Variants in KALRN observed in about 807,000 individuals in gnomAD.
KALRN encodes kalirin RhoGEF kinase.
Under a neutral mutation model 353.7 loss-of-function variants are expected in KALRN, and 70 were observed. That is an observed-to-expected ratio of 0.20 (90% confidence interval 0.16 to 0.24). The LOEUF (loss-of-function observed/expected upper bound fraction) is 0.24. Among genes scored for constraint, KALRN ranks in the 10% least tolerant of loss-of-function variants. KALRN has a pLI of 1.00. For missense variants in KALRN, 2,791 were observed against 3,756.7 expected (o/e 0.74, Z 6.72); for synonymous variants, 1,391 against 1,434.8 (o/e 0.97, Z 0.69).
chr3:124,076,194 ATATC>A (rs1324810727), intron 1 of KALRN, among the ~76,000 whole-genome samples: 9 of 152,318 alleles, frequency 5.9e-5, no homozygotes, highest in African/African-American at 1.9e-4. Flanking sequence ...GATATTTAGA[ATATC>A]TATCTGTGTG....
chr3:124,585,711 T>TA (rs1187086481), intron 34 of KALRN, among the ~76,000 whole-genome samples: 1 of 152,186 alleles, frequency 6.6e-6, no homozygotes, highest in African/African-American at 2.4e-5. Flanking sequence ...CATGTCACTT[T>TA]AACACACGCT....
chr3:124,319,630 A>G (rs1424773510), intron 6 of KALRN, among the ~76,000 whole-genome samples: 2 of 150,176 alleles, frequency 1.3e-5, no homozygotes, highest in African/African-American at 4.9e-5. Flanking sequence ...ACTTTTCTAT[A>G]CATAAGAGAA....
intron 14 of KALRN, among the ~76,000 whole-genome samples, chr3:124,419,057 G>A (rs1417787081): frequency 1.3e-5 from 2 of 151,580 alleles, no homozygotes; most frequent in Non-Finnish European, 2.9e-5. Context: ...GGGCGACACA[G>A]CGAAACTCAG....
chr3:124,298,226 T>G (rs751531588), intron 5 of KALRN, among the ~76,000 whole-genome samples: 33 of 152,316 alleles, frequency 2.2e-4, no homozygotes, highest in Non-Finnish European at 3.7e-4. Context: ...GTGGTACTTA[T>G]ACTACGCTTA....
chr3:124,034,183 C>T (rs944916060), intron 1 of KALRN, among the ~76,000 whole-genome samples: 1 of 152,162 alleles, frequency 6.6e-6, no homozygotes, highest in African/African-American at 2.4e-5. Flanking sequence ...TTGGCTCCCC[C>T]TCCCCTGTGC....
At chr3:124,205,393 T>C (rs2076325879) in intron 1 of KALRN, among the ~76,000 whole-genome samples, 1 of 152,198 alleles carries the variant, frequency 6.6e-6, no homozygotes, top group South Asian at 2.1e-4. Flanking sequence ...TGAAAATCGC[T>C]CTCGCAGCTC....
intron 11 of KALRN, among the ~76,000 whole-genome samples, chr3:124,392,052 CT>C (rs1234430371): frequency 6.6e-6 from 1 of 151,822 alleles, no homozygotes; most frequent in African/African-American, 2.4e-5. Flanking sequence ...CTTTTTTTTC[CT>C]TTTTCTTTTT....
chr3:124,615,534 A>G (rs537870160), intron 34 of KALRN, among the ~76,000 whole-genome samples: 6 of 152,374 alleles, frequency 3.9e-5, no homozygotes, highest in South Asian at 4.1e-4. Context: ...GTTTGGAAAG[A>G]GAAAGATGAA....
intron 25 of KALRN, among the ~76,000 whole-genome samples, chr3:124,470,770 A>C (rs923274611): frequency 2.1e-5 from 3 of 145,334 alleles, no homozygotes; most frequent in African/African-American, 7.3e-5. Flanking sequence ...GTTTTCCAAG[A>C]GTGTTCCTTG....
In KALRN at chr3:124,637,214, T is replaced by C; in HGVS notation, c.5575T>C (p.Ser1859Pro). ...NDPTQDEMSS[S>P]LLAARQASTE... ...GCTGCCCGATGTCTTGCAGTCCTCC[T>C]CTTTGCTAGCAGCCCGGCAGGCTTC... The change falls in exon 37 of 60, where the codon TCT (serine) becomes CCT (proline). Residue 1859 changes from serine to proline, a missense_variant. This residue lies in a region of KALRN where 1,065 missense variants were observed against 1,156.4 expected (regional missense o/e 0.92). Coordinates refer to ENST00000682506, the MANE Select transcript of KALRN (RefSeq NM_001388419.1). 1.2e-6 allele frequency: 2 copies of C among 1,613,864 alleles called. No individual in the cohort carries two copies. Among genetic ancestry groups the C allele is most frequent in the Non-Finnish European group, 1.7e-6 (2 of 1,179,722 alleles).
At chr3:124,514,177 G>C (rs766409047) in intron 33 of KALRN, among the ~76,000 whole-genome samples, 1 of 152,180 alleles carries the variant, frequency 6.6e-6, no homozygotes, top group Non-Finnish European at 1.5e-5. Flanking sequence ...CTGGGCTCTG[G>C]TTTGAAACCT....
At chr3:124,286,019 C>T (rs1033251710) in intron 5 of KALRN, among the ~76,000 whole-genome samples, 1 of 150,858 alleles carries the variant, frequency 6.6e-6, no homozygotes, top group Non-Finnish European at 1.5e-5. Context: ...TCTGCTGTGT[C>T]CTGTGCTTCT....
intron 7 of KALRN, among the ~76,000 whole-genome samples, chr3:124,326,905 T>C (rs772940121): frequency 9.2e-5 from 14 of 152,248 alleles, no homozygotes; most frequent in Non-Finnish European, 1.8e-4. Context: ...AATTCATCAC[T>C]TCCTGATTAT....
intron 57 of KALRN, among the ~76,000 whole-genome samples, chr3:124,710,730 A>G (rs1040427687): frequency 2.0e-5 from 3 of 152,222 alleles, no homozygotes; most frequent in Admixed American, 6.5e-5. Context: ...CAGAGATTGC[A>G]GTGAGCCAAG....
intron 57 of KALRN, among the ~76,000 whole-genome samples, chr3:124,704,216 A>G (rs1389118813): frequency 2.0e-5 from 3 of 152,208 alleles, no homozygotes; most frequent in South Asian, 4.1e-4. Flanking sequence ...ATGACCCCCA[A>G]TAATGGGCCG....
intron 23 of KALRN, 37 bp downstream of exon 23, chr3:124,456,765 G>A (rs1160798386): frequency 4.8e-6 from 7 of 1,452,260 alleles, no homozygotes; most frequent in Non-Finnish European, 6.7e-6. Context: ...CTGGCTCCCC[G>A]TGACTATGCT....
chr3:124,133,977 G>T (rs1286864420), intron 1 of KALRN, among the ~76,000 whole-genome samples: 1 of 152,096 alleles, frequency 6.6e-6, no homozygotes, highest in Non-Finnish European at 1.5e-5. Flanking sequence ...CAAATTCAAT[G>T]CAATCCCCAT....
At chr3:124,403,067 T>A (rs1181976421) in intron 13 of KALRN, among the ~76,000 whole-genome samples, 2 of 152,206 alleles carry the variant, frequency 1.3e-5, no homozygotes, top group South Asian at 4.1e-4. Context: ...TAATTTGAAA[T>A]GTGCTGAAAG....
intron 33 of KALRN, among the ~76,000 whole-genome samples, chr3:124,500,226 T>C (rs1417111771): frequency 7.9e-5 from 12 of 152,224 alleles, no homozygotes; most frequent in Admixed American, 7.2e-4. Context: ...GACTACTTTA[T>C]GTCTATTAGA....
Sources: allele counts gnomAD v4.1 joint callset (sites outside exome capture counted in the v4.1 genomes callset), GRCh38; gene constraint gnomAD v4.1.1; regional missense constraint gnomAD v4.1.1; transcripts MANE v1.5; gene names NCBI Gene and HGNC (gene_info 2026-07-23, HGNC 2026-07-21).